The following TNXB variants were observed in gnomAD, a reference collection of about 807,000 sequenced individuals.
TNXB encodes tenascin-X.
In TNXB, 183 loss-of-function variants were observed where a neutral mutation model predicts 340.5. That is an observed-to-expected ratio of 0.54 (90% CI 0.48 to 0.61). The LOEUF (loss-of-function observed/expected upper bound fraction) is 0.61. Among genes scored for constraint, TNXB ranks in the 20% least tolerant of loss-of-function variants. The pLI is 0.00. For synonymous variants in TNXB, 2,121 were observed against 2,314.5 expected (o/e 0.92, Z 2.40); for missense variants, 4,613 against 5,446.4 (o/e 0.85, Z 4.82).
In TNXB at chr6:32,069,794, C is replaced by A; in HGVS notation, c.5346G>T (p.Leu1782=). 6.2e-7 allele frequency: 1 copy of A among 1,610,036 alleles called. No individual in the cohort carries two copies. The highest frequency in any genetic ancestry group is 8.5e-7 in the Non-Finnish European group (1 of 1,178,268). The stretch of plus-strand genomic sequence containing the variant: ...AGTTCTGGGTCACGGTGGTCACCTG[C>A]AGCTCCTCCCCCAGACGGGGTTTTG... ...RPPKPRLGEE[L]QVTTVTQNSV... The change falls in exon 15 of 44, where the codon CTG becomes CTT. Residue 1782 remains leucine, a synonymous_variant. Coordinates refer to ENST00000644971, the MANE Select transcript of TNXB (RefSeq NM_001365276.2). This position sits in a 1 kb window ranked among gnomAD's most constrained non-coding sequence, Gnocchi z 6.2.
At position 32,081,752 on chromosome 6, in the gene TNXB, C is replaced by T; in HGVS notation, c.3737-79G>A. The T allele has an allele frequency of 1.1e-6, 1 of 936,878 alleles. No homozygotes were observed. The highest frequency in any genetic ancestry group is 1.6e-6 in the Non-Finnish European group (1 of 628,492). 58.0% of individuals were successfully genotyped at this position (936,878 alleles called of 1,614,324 possible). Reference sequence around the variant, plus strand: ...TTGGGGTTTCGACGGGATGTCACACCTATGGGGGGTGGGGGGTCACTAGTC... The same window carrying T: ...TTGGGGTTTCGACGGGATGTCACACTTATGGGGGGTGGGGGGTCACTAGTC... On this transcript the variant is annotated intron_variant, in intron 9 of 43. Coordinates refer to ENST00000644971, the MANE Select transcript of TNXB (RefSeq NM_001365276.2). The surrounding 1 kb of genome is among the most constrained non-coding windows in gnomAD (Gnocchi z 5.1).
At chr6:32,077,391 G>C (rs1022985919) in intron 11 of TNXB, among the ~76,000 whole-genome samples, 3 of 152,180 alleles carry the variant, frequency 2.0e-5, no homozygotes, top group African/African-American at 7.2e-5. Context: ...GGCTGAGCTT[G>C]GTGGAATTAC....
chr6:32,077,940 T>A (rs1247277770), intron 11 of TNXB, among the ~76,000 whole-genome samples: 1 of 151,324 alleles, frequency 6.6e-6, no homozygotes, highest in Admixed American at 6.6e-5. Flanking sequence ...GGCAGGAGAA[T>A]CACTTGAACC....
rs1778702683 is a variant in TNXB, at chr6:32,070,405, C to T, written c.5000G>A (p.Gly1667Asp). 6.3e-7 allele frequency: 1 copy of T among 1,588,272 alleles called. No individual in the cohort carries two copies. Among genetic ancestry groups the T allele is most frequent in the Admixed American group, 1.7e-5 (1 of 58,528 alleles). The change falls in exon 14 of 44, where the codon GGT (glycine) becomes GAT (aspartate). Residue 1667 changes from glycine (G) to aspartate (D), a missense_variant. Gly to Asp is a moderately conservative substitution (Grantham distance 94). Coordinates refer to ENST00000644971, the MANE Select transcript of TNXB (RefSeq NM_001365276.2). This position sits in a 1 kb window ranked among gnomAD's most constrained non-coding sequence, Gnocchi z 6.0. ...GGGTGGGGCCCCTGGGCTGGCGTCA[C>T]CTCGGGCAACTGGAGAGGAAAGGTT... is the stretch of plus-strand genomic sequence containing the variant. The part of the protein sequence containing the change: ...VSVEAKTVAR[G>D]DASPGAPPRL...
Position 32,082,377 on chromosome 6 carries a change from G to A in TNXB, c.3446-51C>T. The A allele has an allele frequency of 6.6e-7, 1 of 1,518,058 alleles. No individual in the cohort carries two copies. Among genetic ancestry groups the A allele is most frequent in the South Asian group, 1.3e-5 (1 of 78,160 alleles). 94.0% of individuals were successfully genotyped at this position (1,518,058 alleles called of 1,614,324 possible). ...GAGAGACTTAGGTCCAAGGAGAATG[G>A]GGAAGCCAAATCCCACATAGGAATG... On this transcript the variant is annotated intron_variant, in intron 8 of 43. Coordinates refer to ENST00000644971, the MANE Select transcript of TNXB (RefSeq NM_001365276.2). The surrounding 1 kb of genome is among the most constrained non-coding windows in gnomAD (Gnocchi z 5.0).
At chr6:32,057,093 A>G (rs1163879448) in intron 22 of TNXB, among the ~76,000 whole-genome samples, 190 bp from the exon 23 acceptor site, 1 of 146,792 alleles carries the variant, frequency 6.8e-6, no homozygotes, top group Non-Finnish European at 1.5e-5. Context: ...TCCTGCCCTC[A>G]GCCCCCACCT....
At chr6:32,102,518 A>G (rs1780770300) in intron 1 of TNXB, among the ~76,000 whole-genome samples, 1 of 152,208 alleles carries the variant, frequency 6.6e-6, no homozygotes, top group Non-Finnish European at 1.5e-5. Context: ...AAAAAATATC[A>G]CACACAGAAA....
Position 32,086,080 on chromosome 6 carries a change from G to A in TNXB, c.2818C>T (p.Pro940Ser), listed in dbSNP as rs775719377. 8 of 1,571,468 alleles carry A rather than the reference G, an allele frequency of 5.1e-6. No individual in the cohort carries two copies. Among genetic ancestry groups the A allele is most frequent in the Non-Finnish European group, 6.9e-6 (8 of 1,159,144 alleles). ...PLGLLGTTDEPPPSGPSTTQG... is the reference protein window; with the variant it reads ...PLGLLGTTDESPPSGPSTTQG... ...GTCGTCGAGGGGCCTGAGGGAGGAG[G>A]CTCATCGGTAGTCCCCAAGAGGCCC... is the stretch of plus-strand genomic sequence containing the variant. The change falls in exon 7 of 44, where the codon CCT becomes TCT. Residue 940 changes from proline (P) to serine (S), a missense_variant. Transcript: ENST00000644971.
In TNXB at chr6:32,074,696, T is replaced by G. The variant is rs903198797; in HGVS notation, c.4376-744A>C. 2.4e-4 allele frequency among the ~76,000 whole-genome samples: 36 copies of G among 152,262 alleles called. No individual in the cohort carries two copies. Among genetic ancestry groups the G allele is most frequent in the Non-Finnish European group, 4.9e-4 (33 of 68,018 alleles). ...TCAGTAAGATTACAACTTTTTTTTT[T>G]TGAGACGGAGTTTCGCTGTTGTTGC... On this transcript the variant is annotated intron_variant, in intron 11 of 43. Transcript: ENST00000644971. The surrounding 1 kb of genome is among the most constrained non-coding windows in gnomAD (Gnocchi z 5.5).
chr6:32,093,984 C>CT (rs1279018682), intron 4 of TNXB, among the ~76,000 whole-genome samples: 2 of 148,844 alleles, frequency 1.3e-5, no homozygotes, highest in Admixed American at 6.8e-5. Context: ...GTCCCAGCTA[C>CT]TTGGGAGGCT....
Position 32,097,761 on chromosome 6 carries a change from C to T in TNXB, c.403+35G>A, listed in dbSNP as rs1174568059. 6.7e-7 allele frequency: 1 copy of T among 1,494,876 alleles called. No homozygotes were observed. The highest frequency in any genetic ancestry group is 8.9e-7 in the Non-Finnish European group (1 of 1,122,158). The allele number at this position is 1,494,876 out of a possible 1,614,324, so 92.6% of individuals were successfully genotyped here. ...TGGACTAGCAATGCCCACCCCACCC[C>T]ACCTCTCCACCCTCTTCTGTGATCA... On this transcript the variant is annotated intron_variant, in intron 2 of 43. Coordinates refer to ENST00000644971, the MANE Select transcript of TNXB (RefSeq NM_001365276.2). The surrounding 1 kb of genome is among the most constrained non-coding windows in gnomAD (Gnocchi z 5.9).
At position 32,097,973 on chromosome 6, in the gene TNXB, G is replaced by A. The variant is rs768199265; in HGVS notation, c.226C>T (p.Arg76Cys). 25 of 1,606,992 alleles carry A rather than the reference G, an allele frequency of 1.6e-5. No homozygotes were observed. The highest frequency in any genetic ancestry group is 8.0e-5 in the African/African-American group (6 of 74,926). ...CCAGTGGAAGGGGGCAGGTTAATGC[G>A]GTGGGTGAATACCACCTGCTTCTCC... The part of the protein sequence containing the change: ...GGEKQVVFTH[R>C]INLPPSTGCG... The change falls in exon 2 of 44, where the codon CGC becomes TGC. Residue 76 changes from arginine to cysteine, a missense_variant. This residue lies in a region of TNXB where 4,327 missense variants were observed against 4,859.4 expected (regional missense o/e 0.89). Coordinates refer to ENST00000644971, the MANE Select transcript of TNXB (RefSeq NM_001365276.2). The surrounding 1 kb of genome is among the most constrained non-coding windows in gnomAD (Gnocchi z 5.9).
intron 18 of TNXB, among the ~76,000 whole-genome samples, chr6:32,066,670 C>T (rs1324749574): frequency 6.6e-6 from 1 of 152,142 alleles, no homozygotes; most frequent in Non-Finnish European, 1.5e-5. Flanking sequence ...AAAATTAGAT[C>T]GTGGTGATGG....
At chr6:32,056,306 G>C (rs951752509) in intron 23 of TNXB, 132 bp from the exon 24 acceptor site, 1 of 1,250,556 alleles carries the variant, frequency 8.0e-7, no homozygotes, top group African/African-American at 1.5e-5. Context: ...TCTTGGGGCT[G>C]GGTGGTCCTG....
Position 32,096,973 on chromosome 6 carries a change from G to A in TNXB, c.880C>T (p.Arg294Cys), listed in dbSNP as rs374268905. ...CSQRGRCENG[R>C]CVCNPGYTGE... ...GTGTAGCCGGGGTTACACACGCAGC[G>A]CCCATTCTCACAGCGCCCCCTCTGA... Residue 294 changes from arginine (R) to cysteine (C), a missense_variant, in exon 3 of 44, where the codon CGC (arginine) becomes TGC (cysteine). By Grantham distance (180) the Arg-to-Cys change is radical. Coordinates refer to ENST00000644971, the MANE Select transcript of TNXB (RefSeq NM_001365276.2). 66 of 1,605,410 alleles carry A rather than the reference G, an allele frequency of 4.1e-5. No individual in the cohort carries two copies. The highest frequency in any genetic ancestry group is 5.1e-5 in the Non-Finnish European group (60 of 1,173,172).
intron 24 of TNXB, 88 bp downstream of exon 24, chr6:32,055,763 C>A: frequency 6.6e-7 from 1 of 1,518,718 alleles, no homozygotes; most frequent in South Asian, 1.3e-5. Context: ...GCAAAAGAAG[C>A]CCGGCTGGTG....
At position 32,085,903 on chromosome 6, in the gene TNXB, C is replaced by T. The variant is rs373054105; in HGVS notation, c.2995G>A (p.Glu999Lys). The stretch of plus-strand genomic sequence containing the variant: ...ACTTCCTCATGTGCCCCCGGCCCCT[C>T]GGGCACCCGCATGCGCAGTTGGAAG... ...AYFQLRMRVPEGPGAHEEVLP... is the reference protein window; with the variant it reads ...AYFQLRMRVPKGPGAHEEVLP... The change falls in exon 7 of 44, where the codon GAG becomes AAG. Residue 999 changes from glutamate (E) to lysine (K), a missense_variant. By Grantham distance (56) the Glu-to-Lys change is moderately conservative (BLOSUM62 1). Coordinates refer to ENST00000644971, the MANE Select transcript of TNXB (RefSeq NM_001365276.2). This position sits in a 1 kb window ranked among gnomAD's most constrained non-coding sequence, Gnocchi z 6.4. The T allele has an allele frequency of 8.8e-5, 141 of 1,608,456 alleles. No individual in the cohort carries two copies. The African/African-American group carries it at 1.5e-3, about 17-fold the overall frequency.
intron 25 of TNXB, among the ~76,000 whole-genome samples, 177 bp downstream of exon 25, chr6:32,053,211 C>T (rs1352103091): frequency 2.0e-5 from 3 of 152,080 alleles, no homozygotes; most frequent in African/African-American, 7.2e-5. Context: ...ACCAACAGAG[C>T]TCACAGGGCC....
chr6:32,046,473 G>A lies in TNXB; in HGVS notation c.10325-17C>T. 1 of 1,548,566 alleles carries A rather than the reference G, an allele frequency of 6.5e-7. No individual in the cohort carries two copies. On this transcript the variant is annotated splice_polypyrimidine_tract_variant and intron_variant, in intron 30 of 43. Coordinates refer to ENST00000644971, the MANE Select transcript of TNXB (RefSeq NM_001365276.2). This position sits in a 1 kb window ranked among gnomAD's most constrained non-coding sequence, Gnocchi z 6.9. ...CCAGGGGAGCTGTGCAGAGGGAGGA[G>A]GGAAAGCTCTTAGTCACATGCTGCC...
Sources: gnomAD v4.1 joint callset for allele counts (sites outside exome capture counted in the v4.1 genomes callset) on GRCh38, gnomAD v4.1.1 for gene constraint, gnomAD v4.1.1 regional missense constraint, Gnocchi (gnomAD v3.1) non-coding constraint, MANE v1.5 for transcripts, NCBI Gene and HGNC (gene_info 2026-07-23, HGNC 2026-07-21) for gene names.